Variants in THSD7B observed in about 807,000 individuals in gnomAD.
THSD7B encodes thrombospondin type 1 domain containing 7B.
A neutral mutation model predicts 213.6 loss-of-function variants in THSD7B; 138 were observed. That is an observed-to-expected ratio of 0.65 (90% CI 0.56 to 0.74). The LOEUF (loss-of-function observed/expected upper bound fraction) is 0.74. Among genes scored for constraint, THSD7B ranks in the 30% least tolerant of loss-of-function variants. The pLI is 0.00. For missense variants in THSD7B, 1,931 were observed against 1,991.5 expected, an observed-to-expected ratio of 0.97 and a Z score of 0.58; for synonymous variants, 742 against 687.0, an observed-to-expected ratio of 1.08 and a Z score of -1.25.
At chr2:137,376,778 A>G (rs79856702) in intron 12 of THSD7B, among the ~76,000 whole-genome samples, 4,526 of 152,314 alleles carry the variant, frequency 0.03, 232 homozygotes, top group African/African-American at 0.1. Flanking sequence ...AAACTTTCAT[A>G]CAATTTGAAT....
chr2:137,190,953 G>C (rs16838351), intron 7 of THSD7B, among the ~76,000 whole-genome samples: 2 of 152,132 alleles, frequency 1.3e-5, no homozygotes, highest in Non-Finnish European at 2.9e-5. Flanking sequence ...TTTATCACAG[G>C]TCTAAGCCAG....
At chr2:137,279,176 ATTTGT>A (rs1443012345) in intron 12 of THSD7B, among the ~76,000 whole-genome samples, 3 of 152,144 alleles carry the variant, frequency 2.0e-5, no homozygotes, top group Non-Finnish European at 2.9e-5. Flanking sequence ...TCAGATAATT[ATTTGT>A]TTTATCATTA....
At chr2:137,277,561 G>T (rs1469935817) in intron 12 of THSD7B, among the ~76,000 whole-genome samples, 1 of 152,028 alleles carries the variant, frequency 6.6e-6, no homozygotes, top group Non-Finnish European at 1.5e-5. Context: ...TCTCCAATGA[G>T]ATCAATCTCC....
At position 137,056,475 on chromosome 2, in the gene THSD7B, A is replaced by G. The variant is rs1383358669; in HGVS notation, c.195A>G (p.Ala65=). ...GTCCCGGAGGAGTCCAGAGTCGGGC[A>G]GTGTGGTGTTTTCATGTTGACGGGT... The part of the protein sequence containing the change: ...DCGPGGVQSR[A]VWCFHVDGWT... The change falls in exon 3 of 28, where the codon GCA becomes GCG. Residue 65 remains alanine (A), a synonymous_variant. Transcript: ENST00000409968. The G allele has an allele frequency of 2.5e-6, 4 of 1,613,838 alleles. No homozygotes were observed. Among genetic ancestry groups the G allele is most frequent in the African/African-American group, 1.3e-5 (1 of 74,914 alleles).
rs1360239886 is a variant in THSD7B at position 137,620,622 on chromosome 2, A to G, written c.3695A>G (p.Lys1232Arg). The G allele has an allele frequency of 6.2e-7, 1 of 1,613,396 alleles. No homozygotes were observed. The highest frequency in any genetic ancestry group is 1.7e-5 in the Admixed American group (1 of 59,932). The change falls in exon 20 of 28, where the codon AAG becomes AGG. Residue 1232 changes from lysine (K) to arginine (R), a missense_variant. Transcript: ENST00000409968. ...TTCCATTTGCAGCATAATTTGGAGA[A>G]GCCCCAGAGAATGAGCATTCCCTGC... ...MDQCEQHNLE[K>R]PQRMSIPCLV...
chr2:137,528,369 C>T (rs772958725), intron 15 of THSD7B, among the ~76,000 whole-genome samples: 23 of 152,112 alleles, frequency 1.5e-4, no homozygotes, highest in Non-Finnish European at 3.4e-4. Flanking sequence ...TTTGTTTCCT[C>T]ATCTGTTAAG....
intron 2 of THSD7B, among the ~76,000 whole-genome samples, chr2:137,010,178 C>T (rs1396089897): frequency 3.3e-5 from 5 of 152,092 alleles, no homozygotes; most frequent in South Asian, 2.1e-4. Flanking sequence ...TTTTCCATTA[C>T]GATCAGATAC....
At chr2:136,779,135 G>A (rs1260822174) in intron 1 of THSD7B, among the ~76,000 whole-genome samples, 1 of 150,968 alleles carries the variant, frequency 6.6e-6, no homozygotes, top group Non-Finnish European at 1.5e-5. Context: ...GGATCTTCTT[G>A]TATCATTTCT....
chr2:137,593,487 A>G (rs908370349), intron 17 of THSD7B, among the ~76,000 whole-genome samples: 1 of 151,948 alleles, frequency 6.6e-6, no homozygotes, highest in Non-Finnish European at 1.5e-5. Flanking sequence ...ATACAGTAAT[A>G]TCTTTTAGTG....
chr2:137,550,748 A>G (rs974605926), intron 15 of THSD7B, among the ~76,000 whole-genome samples: 1 of 152,042 alleles, frequency 6.6e-6, no homozygotes. Flanking sequence ...GATGACATGG[A>G]TGGTTTAGCT....
chr2:136,856,299 GGT>G (rs1451920535), intron 1 of THSD7B, among the ~76,000 whole-genome samples: 1 of 152,036 alleles, frequency 6.6e-6, no homozygotes, highest in Non-Finnish European at 1.5e-5. Flanking sequence ...AAGGTTGAGG[GGT>G]CTTCCAAAAC....
At chr2:137,344,801 A>G (rs1684840102) in intron 12 of THSD7B, among the ~76,000 whole-genome samples, 2 of 151,676 alleles carry the variant, frequency 1.3e-5, no homozygotes, top group Non-Finnish European at 3.0e-5. Context: ...GTCAACATTA[A>G]CAGAACAGAA....
In THSD7B at chr2:137,319,039, T is replaced by C. The variant is rs188090647; in HGVS notation, c.2500+43013T>C. Among the ~76,000 whole-genome samples the C allele has an allele frequency of 1.3e-4, 20 of 152,136 alleles. No homozygotes were observed. In the East Asian group the frequency reaches 3.9e-3, roughly 29 times the overall value. On this transcript the variant is annotated intron_variant, in intron 12 of 27. Coordinates refer to ENST00000409968, the MANE Select transcript of THSD7B (RefSeq NM_001316349.2). Reference sequence around the variant, plus strand: ...AGACTCATTAAACAGAATTTTGTAATGGAGGTCATTTACTCGTCTTACTGT... The same window carrying C: ...AGACTCATTAAACAGAATTTTGTAACGGAGGTCATTTACTCGTCTTACTGT...
chr2:137,011,860 A>G (rs1254546754), intron 2 of THSD7B, among the ~76,000 whole-genome samples: 1 of 152,168 alleles, frequency 6.6e-6, no homozygotes, highest in Admixed American at 6.5e-5. Flanking sequence ...GTCTTCATCT[A>G]TTAGCTGAAT....
At position 136,981,991 on chromosome 2, in the gene THSD7B, T is replaced by G. The variant is rs183096536; in HGVS notation, c.140-74429T>G. ...GGCACTGGGTGAATTTCTAGGGAGATTGACATAAATGTGATGCCATTTTAC... is the reference window on the plus strand; with the variant it reads ...GGCACTGGGTGAATTTCTAGGGAGAGTGACATAAATGTGATGCCATTTTAC... On this transcript the variant is annotated intron_variant, in intron 2 of 27. Coordinates refer to ENST00000409968, the MANE Select transcript of THSD7B (RefSeq NM_001316349.2). Among the ~76,000 whole-genome samples the G allele has an allele frequency of 1.9e-3, 288 of 152,282 alleles. 1 individual carries two copies. The highest frequency in any genetic ancestry group is 2.1e-3 in the Non-Finnish European group (140 of 68,036).
chr2:137,245,177 A>G (rs1476958757), intron 10 of THSD7B, among the ~76,000 whole-genome samples: 1 of 151,846 alleles, frequency 6.6e-6, no homozygotes, highest in Non-Finnish European at 1.5e-5. Flanking sequence ...TTTTTTTCCC[A>G]GTTTAAGAGA....
intron 1 of THSD7B, among the ~76,000 whole-genome samples, chr2:136,790,005 G>A: frequency 6.6e-6 from 1 of 151,778 alleles, no homozygotes; most frequent in Non-Finnish European, 1.5e-5. Flanking sequence ...ATCTTTAATG[G>A]CCTGGGAGGG....
Position 137,245,491 on chromosome 2 carries a change from ACCTGCCTTTC to A in THSD7B, c.2266+2922_2266+2931del, listed in dbSNP as rs543402596. Among the ~76,000 whole-genome samples the A allele has an allele frequency of 2.6e-5, 4 of 152,192 alleles. No homozygotes were observed. In the East Asian group the frequency reaches 7.7e-4, roughly 29 times the overall value. ...GTCCTCAGCCTGTGTATCTACAGAG[ACCTGCCTTTC>A]CCCTGGAATGCTGCTCTCATCTACC... On this transcript the variant is annotated intron_variant, in intron 10 of 27. Coordinates refer to ENST00000409968, the MANE Select transcript of THSD7B (RefSeq NM_001316349.2).
At chr2:137,424,727 A>G (rs747717820) in intron 14 of THSD7B, among the ~76,000 whole-genome samples, 135 of 152,196 alleles carry the variant, frequency 8.9e-4, no homozygotes, top group Non-Finnish European at 1.8e-3. Flanking sequence ...TTGGCTCTCC[A>G]TATTTAAAGG....
Sources: gnomAD v4.1 joint callset for allele counts (sites outside exome capture counted in the v4.1 genomes callset) on GRCh38, gnomAD v4.1.1 for gene constraint, MANE v1.5 for transcripts, NCBI Gene and HGNC (gene_info 2026-07-23, HGNC 2026-07-21) for gene names.